Variants in HDX observed in about 807,000 individuals in gnomAD.
HDX encodes the protein highly divergent homeobox.
A neutral mutation model predicts 45.2 loss-of-function variants in HDX; 19 were observed. That is an observed-to-expected ratio of 0.42 (90% CI 0.29 to 0.62). The LOEUF is 0.62. HDX is among the 20% of genes least tolerant of loss of function. The pLI, the probability that HDX is intolerant of heterozygous loss-of-function variation, is 0.20. For missense variants in HDX, 532 were observed against 493.9 expected (o/e 1.08, Z -0.73); for synonymous variants, 188 against 172.8 (o/e 1.09, Z -0.69).
intron 1 of HDX, among the ~76,000 whole-genome samples, chrX:84,488,990 A>G (rs2040845637): frequency 1.8e-5 from 2 of 110,556 alleles, no homozygotes; most frequent in Admixed American, 1.9e-4. Context: ...CTCACTCTTA[A>G]TTTGCCGGGT....
At chrX:84,409,519 T>C (rs747736161) in intron 5 of HDX, among the ~76,000 whole-genome samples, 163 of 108,615 alleles carry the variant, frequency 1.5e-3, no homozygotes, top group African/African-American at 5.3e-3. Flanking sequence ...GTGGCACATA[T>C]ACACCATGGA....
chrX:84,399,132 A>G (rs1158273883), intron 5 of HDX, among the ~76,000 whole-genome samples: 1 of 111,186 alleles, frequency 9.0e-6, no homozygotes, highest in East Asian at 2.8e-4. Context: ...TCTCAAATCA[A>G]CACCCTAAGA....
chrX:84,487,606 C>T (rs550154580), intron 2 of HDX, among the ~76,000 whole-genome samples: 3 of 111,708 alleles, frequency 2.7e-5, no homozygotes, highest in Admixed American at 9.5e-5. Flanking sequence ...CTATCTATTT[C>T]GAATCTGTCC....
rs1302481709 is a variant in HDX, at chrX:84,468,584, T to C, written c.1139A>G (p.His380Arg). 1.7e-5 allele frequency: 20 copies of C among 1,196,987 alleles called. No homozygotes were observed. Among genetic ancestry groups the C allele is most frequent in the East Asian group, 3.0e-5 (1 of 33,710 alleles). The part of the protein sequence containing the change: ...NYHLTPRTSL[H>R]TASSTMYSNT... ...ACTGTACATTGTACTAGATGCTGTATGTAATGAGGTCCGTGGTGTCAAATG... is the reference window on the plus strand; with the variant it reads ...ACTGTACATTGTACTAGATGCTGTACGTAATGAGGTCCGTGGTGTCAAATG... The change falls in exon 4 of 11, where the codon CAT (histidine) becomes CGT (arginine). Residue 380 changes from histidine (H) to arginine (R), a missense_variant. This residue lies in a region of HDX where 376 missense variants were observed against 343.7 expected (regional missense o/e 1.09). Coordinates refer to ENST00000373177, the MANE Select transcript of HDX (RefSeq NM_001177479.2).
chrX:84,361,724 T>G, intron 5 of HDX, 112 bp from the exon 6 acceptor site: 1 of 490,776 alleles, frequency 2.0e-6, no homozygotes, highest in Non-Finnish European at 3.1e-6. Context: ...CTAGCAAAAT[T>G]TATTTCACAA....
intron 5 of HDX, among the ~76,000 whole-genome samples, chrX:84,398,785 C>G (rs181125655): frequency 3.6e-5 from 4 of 112,143 alleles, no homozygotes; most frequent in Non-Finnish European, 7.5e-5. Context: ...TGCCACATGG[C>G]ACTTATTCTA....
intron 2 of HDX, among the ~76,000 whole-genome samples, chrX:84,483,770 A>T (rs2040736400): frequency 8.9e-6 from 1 of 112,179 alleles, no homozygotes; most frequent in Admixed American, 9.4e-5. Context: ...TCAGGCTGTA[A>T]ATTTTCCAAA....
At chrX:84,442,886 T>A (rs1377056400) in intron 4 of HDX, among the ~76,000 whole-genome samples, 1 of 111,415 alleles carries the variant, frequency 9.0e-6, no homozygotes, top group Non-Finnish European at 1.9e-5. Flanking sequence ...ATATTACATA[T>A]GAAATGATAA....
chrX:84,432,433 T>C (rs1459101606), intron 5 of HDX, among the ~76,000 whole-genome samples: 1 of 112,155 alleles, frequency 8.9e-6, no homozygotes, highest in East Asian at 2.8e-4. Flanking sequence ...AGGTGGCCAT[T>C]TTGACAATAT....
At chrX:84,460,952 C>A (rs1486420872) in intron 4 of HDX, among the ~76,000 whole-genome samples, 1 of 110,759 alleles carries the variant, frequency 9.0e-6, no homozygotes, top group Non-Finnish European at 1.9e-5. Context: ...TAATATAATA[C>A]CTAGGAAATT....
At chrX:84,364,132 G>A (rs1273232675) in intron 5 of HDX, among the ~76,000 whole-genome samples, 1 of 111,566 alleles carries the variant, frequency 9.0e-6, no homozygotes, top group African/African-American at 3.3e-5. Context: ...ATATAGGGAT[G>A]CAGAGTTTCC....
At position 84,422,275 on chromosome X, in the gene HDX, T is replaced by G. The variant is rs142165856; in HGVS notation, c.1305+18257A>C. ...TTAAACAATATGTTCCTGAATGACATGTTGGTCAATGAAGAAATTAAGAAG... is the reference window on the plus strand; with the variant it reads ...TTAAACAATATGTTCCTGAATGACAGGTTGGTCAATGAAGAAATTAAGAAG... On this transcript the variant is annotated intron_variant, in intron 5 of 10. Coordinates refer to ENST00000373177, the MANE Select transcript of HDX (RefSeq NM_001177479.2). Among the ~76,000 whole-genome samples the G allele has an allele frequency of 8.2e-3, 914 of 112,128 alleles. 34 individuals carry two copies. In the East Asian group the frequency reaches 0.16, roughly 19 times the overall value.
rs776190480 is a variant in HDX, at chrX:84,387,342, C to T, written c.1306-25730G>A. ...TGCTGGACGGAGTGACTTGTAATGT[C>T]TCTTAGGTCCAACTGGTCAAGTGTC... On this transcript the variant is annotated intron_variant, in intron 5 of 10. Coordinates refer to ENST00000373177, the MANE Select transcript of HDX (RefSeq NM_001177479.2). Among the ~76,000 whole-genome samples the T allele has an allele frequency of 5.4e-5, 6 of 111,643 alleles. No homozygotes were observed. In the South Asian group the frequency reaches 1.5e-3, roughly 28 times the overall value.
chrX:84,374,118 GACAA>G lies in HDX; in HGVS notation c.1306-12510_1306-12507del, dbSNP rs1437903486. Among the ~76,000 whole-genome samples the G allele has an allele frequency of 4.6e-3, 512 of 110,983 alleles. 2 individuals are homozygous for G. The highest frequency in any genetic ancestry group is 7.3e-3 in the Non-Finnish European group (387 of 52,963). On this transcript the variant is annotated intron_variant, in intron 5 of 10. Transcript: ENST00000373177. ...CAAGCATTCTTATACACCAATAATA[GACAA>G]ACAGAGAGCCAAATCATGAGTGAAC...
chrX:84,422,959 T>C (rs55940001), intron 5 of HDX, among the ~76,000 whole-genome samples: 5 of 110,025 alleles, frequency 4.5e-5, no homozygotes, highest in African/African-American at 6.6e-5. Context: ...TTAAAAGTTG[T>C]TTTTTTGAAA....
At chrX:84,472,894 A>G (rs911858655) in intron 3 of HDX, among the ~76,000 whole-genome samples, 1 of 110,098 alleles carries the variant, frequency 9.1e-6, no homozygotes, top group Non-Finnish European at 1.9e-5. Flanking sequence ...GTTATTATCA[A>G]TTATTATCAA....
intron 1 of HDX, among the ~76,000 whole-genome samples, chrX:84,490,873 C>A (rs1300469283): frequency 4.5e-5 from 5 of 110,148 alleles, no homozygotes; most frequent in East Asian, 2.8e-4. Context: ...CCATTGTTTT[C>A]TGTGTTGCAT....
chrX:84,409,352 A>G (rs755847481), intron 5 of HDX, among the ~76,000 whole-genome samples: 2 of 111,094 alleles, frequency 1.8e-5, no homozygotes, highest in Non-Finnish European at 3.8e-5. Flanking sequence ...ATACCATTTG[A>G]CCCAGCCATC....
At chrX:84,466,089 G>T (rs181937012) in intron 4 of HDX, among the ~76,000 whole-genome samples, 1 of 112,238 alleles carries the variant, frequency 8.9e-6, no homozygotes, top group Admixed American at 9.4e-5. Context: ...TGTAATGAAG[G>T]TGATAACTTA....
Sources: allele counts gnomAD v4.1 joint callset (sites outside exome capture counted in the v4.1 genomes callset), GRCh38; gene constraint gnomAD v4.1.1; regional missense constraint gnomAD v4.1.1; transcripts MANE v1.5; gene names NCBI Gene and HGNC (gene_info 2026-07-23, HGNC 2026-07-21).